Variants in LRRFIP2 observed in about 807,000 individuals in gnomAD.
LRRFIP2 encodes LRR binding FLII interacting protein 2.
In LRRFIP2, 109 loss-of-function variants were observed where a neutral mutation model predicts 125.9. The ratio of observed to expected loss-of-function variants is 0.87; its 90% CI spans 0.74 to 1.01. The LOEUF (loss-of-function observed/expected upper bound fraction) is 1.01. Among genes scored for constraint, LRRFIP2 ranks in the 50% least tolerant of loss-of-function variants. The pLI is 0.00. For synonymous variants in LRRFIP2, 291 were observed against 293.1 expected (o/e 0.99, Z 0.07); for missense variants, 850 against 862.3 (o/e 0.99, Z 0.18).
chr3:37,098,348 T>C (rs2093833570), intron 15 of LRRFIP2, among the ~76,000 whole-genome samples: 2 of 152,040 alleles, frequency 1.3e-5, no homozygotes, highest in African/African-American at 4.8e-5. Context: ...TACATATGTA[T>C]ACATGTGCCA....
At chr3:37,057,331 C>A (rs1414384777) in intron 25 of LRRFIP2, among the ~76,000 whole-genome samples, 1 of 152,172 alleles carries the variant, frequency 6.6e-6, no homozygotes, top group Non-Finnish European at 1.5e-5. Flanking sequence ...CTGGTTCAGG[C>A]TCACCACTGT....
chr3:37,143,050 T>C (rs2095755812), intron 2 of LRRFIP2, among the ~76,000 whole-genome samples: 1 of 152,092 alleles, frequency 6.6e-6, no homozygotes, highest in Admixed American at 6.5e-5. Flanking sequence ...TCGTTTCCAC[T>C]CTCGCCATAT....
intron 6 of LRRFIP2, among the ~76,000 whole-genome samples, chr3:37,118,965 A>T (rs1297080013): frequency 6.6e-6 from 1 of 152,252 alleles, no homozygotes; most frequent in Non-Finnish European, 1.5e-5. Context: ...AAATTATTTT[A>T]AAAGCAAATA....
chr3:37,085,801 C>G (rs2093005062), intron 18 of LRRFIP2, among the ~76,000 whole-genome samples: 1 of 151,954 alleles, frequency 6.6e-6, no homozygotes, highest in Non-Finnish European at 1.5e-5. Context: ...CCAGACTGGT[C>G]TCGAACTCCT....
chr3:37,062,923 A>C (rs2089180438), intron 24 of LRRFIP2, among the ~76,000 whole-genome samples: 1 of 152,168 alleles, frequency 6.6e-6, no homozygotes, highest in African/African-American at 2.4e-5. Context: ...ATGCAAAGAA[A>C]ATCTCCAGAT....
chr3:37,162,461 C>T (rs972550096), intron 1 of LRRFIP2, among the ~76,000 whole-genome samples: 1 of 152,114 alleles, frequency 6.6e-6, no homozygotes, highest in Non-Finnish European at 1.5e-5. Context: ...CCTTCAAACT[C>T]TTGAAGGAAA....
rs546173487 is a variant in LRRFIP2, at chr3:37,131,413, A to G, written c.91-2264T>C. 3.9e-5 allele frequency among the ~76,000 whole-genome samples: 6 copies of G among 152,154 alleles called. No homozygotes were observed. The South Asian group carries it at 1.2e-3, about 32-fold the overall frequency. ...AATTCCATGCTTCTCTCACCCCACAACTTTTATGCCTCAAGGTCTGCTAAA... is the reference window on the plus strand; with the variant it reads ...AATTCCATGCTTCTCTCACCCCACAGCTTTTATGCCTCAAGGTCTGCTAAA... On this transcript the variant is annotated intron_variant, in intron 2 of 27. Transcript: ENST00000336686.
In LRRFIP2 at chr3:37,053,067, GCCCTA is replaced by G. The variant is rs2085926137; in HGVS notation, c.*779_*783del. The G allele has an allele frequency of 6.6e-6, 1 of 152,462 alleles. No individual in the cohort carries two copies. 9.4% of individuals were successfully genotyped at this position (152,462 alleles called of 1,614,324 possible). On this transcript the variant is annotated 3_prime_UTR_variant, in exon 28 of 28. Coordinates refer to ENST00000336686, the MANE Select transcript of LRRFIP2 (RefSeq NM_006309.4). ...GGCAGATTTCCAATCTGCCTGCCCTGCCCTACCCTCCCCCTTTGGGTTTGTTTGAG... is the reference window on the plus strand; with the variant it reads ...GGCAGATTTCCAATCTGCCTGCCCTGCCCTCCCCCTTTGGGTTTGTTTGAG...
rs116010032 is a variant in LRRFIP2, at chr3:37,153,615, T to C, written c.-55-4577A>G. On this transcript the variant is annotated intron_variant, in intron 1 of 27. Transcript: ENST00000336686. ...ACTAACAATGCCTATGCCTTAGACC[T>C]GCCAGAGTATTCCTGGACCACAGAT... Among the ~76,000 whole-genome samples the C allele has an allele frequency of 3.0e-3, 458 of 152,300 alleles. 5 individuals carry two copies. The highest frequency in any genetic ancestry group is 0.011 in the African/African-American group (439 of 41,548).
At chr3:37,148,018 C>G (rs2095902232) in intron 2 of LRRFIP2, among the ~76,000 whole-genome samples, 1 of 152,156 alleles carries the variant, frequency 6.6e-6, no homozygotes, top group African/African-American at 2.4e-5. Context: ...AAATAAAACA[C>G]TGAATCTGAA....
At chr3:37,099,221 T>A (rs1402064713) in intron 15 of LRRFIP2, among the ~76,000 whole-genome samples, 3 of 152,184 alleles carry the variant, frequency 2.0e-5, no homozygotes, top group African/African-American at 7.2e-5. Context: ...CTTAGACTTG[T>A]ACTATCTTGT....
At chr3:37,175,216 T>C (rs539707715), upstream of LRRFIP2, 1 of 152,246 alleles carries the variant, frequency 6.6e-6, no homozygotes, top group Non-Finnish European at 1.5e-5. Context: ...CTTCCCATTA[T>C]GACAACATAA....
intron 2 of LRRFIP2, among the ~76,000 whole-genome samples, chr3:37,147,320 C>T (rs1163642527): frequency 6.6e-6 from 1 of 152,142 alleles, no homozygotes; most frequent in Admixed American, 6.5e-5. Context: ...AGACCTAGAA[C>T]CAGAAATACC....
At chr3:37,112,347 A>G (rs2094580713) in intron 8 of LRRFIP2, among the ~76,000 whole-genome samples, 1 of 151,852 alleles carries the variant, frequency 6.6e-6, no homozygotes, top group Non-Finnish European at 1.5e-5. Context: ...AAAAAGAAAA[A>G]AAAAAAGAAA....
chr3:37,090,667 C>T (rs1398385078), intron 18 of LRRFIP2, among the ~76,000 whole-genome samples: 1 of 152,160 alleles, frequency 6.6e-6, no homozygotes, highest in Non-Finnish European at 1.5e-5. Context: ...TATGTACAAC[C>T]AAACTGTCTG....
At chr3:37,104,343 C>G (rs1025341247) in intron 14 of LRRFIP2, among the ~76,000 whole-genome samples, 5 of 152,142 alleles carry the variant, frequency 3.3e-5, no homozygotes, top group African/African-American at 1.2e-4. Flanking sequence ...ATTTAAAGTC[C>G]CTGCCCTTTC....
chr3:37,167,699 C>T (rs1000109260), intron 1 of LRRFIP2, among the ~76,000 whole-genome samples: 1 of 145,980 alleles, frequency 6.9e-6, no homozygotes, highest in Middle Eastern at 3.9e-3. Flanking sequence ...AAAAAGAAAA[C>T]GGGACCAGGA....
At position 37,124,641 on chromosome 3, in the gene LRRFIP2, A is replaced by T. The variant is rs2149609161; in HGVS notation, c.229-2950T>A. ...GAAGGATTAAGTAAGAATCTATGAGATCATAAAGCTGAGACCAGCATTTAG... is the reference window on the plus strand; with the variant it reads ...GAAGGATTAAGTAAGAATCTATGAGTTCATAAAGCTGAGACCAGCATTTAG... On this transcript the variant is annotated intron_variant, in intron 4 of 27. Transcript: ENST00000336686. Among the ~76,000 whole-genome samples the T allele has an allele frequency of 2.0e-5, 3 of 152,344 alleles. No individual in the cohort carries two copies. In the South Asian group the frequency reaches 6.2e-4, roughly 32 times the overall value.
At chr3:37,103,081 T>G (rs1284276589) in intron 14 of LRRFIP2, 68 bp from the exon 15 acceptor site, 4 of 1,253,284 alleles carry the variant, frequency 3.2e-6, no homozygotes, top group African/African-American at 1.5e-5. Context: ...ATAAGAACAT[T>G]GGCCAATTAG....
Sources: gnomAD v4.1 joint callset for allele counts (sites outside exome capture counted in the v4.1 genomes callset) on GRCh38, gnomAD v4.1.1 for gene constraint, MANE v1.5 for transcripts, NCBI Gene and HGNC (gene_info 2026-07-23, HGNC 2026-07-21) for gene names.